The following SLC49A4 variants were observed in gnomAD, a reference collection of about 807,000 sequenced individuals.
SLC49A4 encodes disrupted in renal cancer protein 2.
Under a neutral mutation model 50.6 loss-of-function variants are expected in SLC49A4, and 36 were observed. The ratio of observed to expected loss-of-function variants is 0.71; its 90% confidence interval spans 0.55 to 0.94. The LOEUF is 0.94. SLC49A4 is among the 40% of genes least tolerant of loss of function. The probability of loss-of-function intolerance (pLI) is 0.00; values close to 1 mark genes in which losing one functional copy is unlikely to be tolerated. For synonymous variants in SLC49A4, 248 were observed against 241.2 expected (o/e 1.03, Z -0.26); for missense variants, 503 against 605.7 (o/e 0.83, Z 1.78).
At chr3:122,821,134 G>C (rs950046608) in intron 2 of SLC49A4, among the ~76,000 whole-genome samples, 1 of 152,146 alleles carries the variant, frequency 6.6e-6, no homozygotes, top group Non-Finnish European at 1.5e-5. Context: ...CTCCTCCTTC[G>C]CTTTCCACCA....
chr3:122,826,268 G>A (rs940476147), intron 2 of SLC49A4, among the ~76,000 whole-genome samples: 2 of 152,204 alleles, frequency 1.3e-5, no homozygotes, highest in African/African-American at 2.4e-5. Flanking sequence ...TTGGCAAAGA[G>A]TGGGTATGAA....
chr3:122,814,134 G>A (rs1363996931), intron 2 of SLC49A4, among the ~76,000 whole-genome samples: 2 of 152,114 alleles, frequency 1.3e-5, no homozygotes, highest in African/African-American at 4.8e-5. Flanking sequence ...ATCCAGGCAT[G>A]GTGCATTCCT....
intron 2 of SLC49A4, among the ~76,000 whole-genome samples, chr3:122,821,166 ATG>A (rs1250720020): frequency 6.6e-6 from 1 of 152,232 alleles, no homozygotes; most frequent in Non-Finnish European, 1.5e-5. Flanking sequence ...CCTTCCAGCC[ATG>A]TGGAACTGTG....
At chr3:122,811,237 TG>T (rs1252542740) in intron 2 of SLC49A4, among the ~76,000 whole-genome samples, 1 of 152,124 alleles carries the variant, frequency 6.6e-6, no homozygotes, top group Non-Finnish European at 1.5e-5. Flanking sequence ...AAATAGGTAA[TG>T]GATATGAGCA....
At chr3:122,819,410 T>A (rs1007009827) in intron 2 of SLC49A4, among the ~76,000 whole-genome samples, 13 of 152,218 alleles carry the variant, frequency 8.5e-5, no homozygotes, top group African/African-American at 1.4e-4. Context: ...TGTATTTTTT[T>A]ATGTATTTTC....
At chr3:122,852,723 T>C (rs987998244) in intron 5 of SLC49A4, among the ~76,000 whole-genome samples, 1 of 152,136 alleles carries the variant, frequency 6.6e-6, no homozygotes, top group African/African-American at 2.4e-5. Flanking sequence ...ACCCGGGGTT[T>C]TTACAAAGGC....
chr3:122,850,704 CTA>C (rs1936915465), intron 5 of SLC49A4, among the ~76,000 whole-genome samples: 3 of 152,228 alleles, frequency 2.0e-5, no homozygotes, highest in Admixed American at 6.5e-5. Context: ...GATGAAGTCT[CTA>C]TGTTTCCCAG....
chr3:122,812,113 A>G (rs1936307948), intron 2 of SLC49A4, among the ~76,000 whole-genome samples: 1 of 151,992 alleles, frequency 6.6e-6, no homozygotes, highest in African/African-American at 2.4e-5. Flanking sequence ...GTGCCATCAC[A>G]CCTGGCTAGT....
intron 7 of SLC49A4, among the ~76,000 whole-genome samples, chr3:122,869,549 C>T (rs919105433): frequency 1.3e-5 from 2 of 151,832 alleles, no homozygotes; most frequent in Non-Finnish European, 2.9e-5. Context: ...CTTTGTATAC[C>T]TATACCTGCA....
At chr3:122,805,369 G>A (rs1576290444) in intron 1 of SLC49A4, among the ~76,000 whole-genome samples, 2 of 152,166 alleles carry the variant, frequency 1.3e-5, no homozygotes, top group African/African-American at 4.8e-5. Context: ...AATGTAGCAT[G>A]TCTGGATCTC....
rs1280434904 is a variant in SLC49A4, at chr3:122,879,994, T to C, written c.*616T>C. 1 of 152,696 alleles carries C rather than the reference T, an allele frequency of 6.5e-6. No homozygotes were observed. Among genetic ancestry groups the C allele is most frequent in the Non-Finnish European group, 1.5e-5 (1 of 68,050 alleles). The allele number at this position is 152,696 out of a possible 1,614,324, so 9.5% of individuals were successfully genotyped here. The stretch of plus-strand genomic sequence containing the variant: ...GGTGCTTTCCAGTGACTTCTGAGCA[T>C]AGGCACTGTGTCTCCATCTCAACTT... On this transcript the variant is annotated 3_prime_UTR_variant, in exon 9 of 9. Transcript: ENST00000261038.
intron 1 of SLC49A4, among the ~76,000 whole-genome samples, chr3:122,804,097 A>C (rs1444294953): frequency 6.6e-6 from 1 of 152,194 alleles, no homozygotes; most frequent in Non-Finnish European, 1.5e-5. Flanking sequence ...TGCGGGTTTT[A>C]CAGGAAACAT....
rs542286263 is a variant in SLC49A4 at position 122,841,925 on chromosome 3, C to T, written c.834-3838C>T. ...CTTCTCTATAGCACGTCGTACATTG[C>T]CTTTCACATAATAGGTAAAAAAAAT... On this transcript the variant is annotated intron_variant, in intron 4 of 8. Coordinates refer to ENST00000261038, the MANE Select transcript of SLC49A4 (RefSeq NM_032839.3). Among the ~76,000 whole-genome samples the T allele has an allele frequency of 2.9e-5, 4 of 139,090 alleles. No homozygotes were observed. The South Asian group carries it at 1.0e-3, about 36-fold the overall frequency. 91.2% of individuals were successfully genotyped at this position (139,090 alleles called of 152,430 possible). A position where few individuals can be genotyped will look rare whatever the true frequency, so the allele number is the denominator to read the frequency against.
At chr3:122,848,029 C>T (rs1040914218) in intron 5 of SLC49A4, among the ~76,000 whole-genome samples, 18 of 152,172 alleles carry the variant, frequency 1.2e-4, no homozygotes, top group African/African-American at 4.3e-4. Context: ...GCGGGATAGC[C>T]ACATGAGACT....
chr3:122,862,851 C>CT (rs1456782154), intron 7 of SLC49A4, among the ~76,000 whole-genome samples: 3 of 151,790 alleles, frequency 2.0e-5, no homozygotes, highest in Non-Finnish European at 2.9e-5. Context: ...TTTTTAATCT[C>CT]TTTTTTTTGG....
At chr3:122,825,514 C>A (rs1432196507) in intron 2 of SLC49A4, among the ~76,000 whole-genome samples, 1 of 151,684 alleles carries the variant, frequency 6.6e-6, no homozygotes, top group African/African-American at 2.4e-5. Flanking sequence ...AGCCCTAATT[C>A]ACATATTTCA....
chr3:122,840,787 C>T (rs562643768), intron 4 of SLC49A4, among the ~76,000 whole-genome samples: 1 of 152,202 alleles, frequency 6.6e-6, no homozygotes, highest in East Asian at 1.9e-4. Context: ...AGCAATGTCT[C>T]TTGTATTGCA....
intron 8 of SLC49A4, 121 bp from the exon 9 acceptor site, chr3:122,879,142 C>A (rs1937302135): frequency 4.2e-6 from 3 of 706,496 alleles, no homozygotes; most frequent in East Asian, 5.1e-5. Flanking sequence ...AGTTTCTAGG[C>A]CTTCCAGGGT....
chr3:122,851,313 C>T (rs1936922230), intron 5 of SLC49A4, among the ~76,000 whole-genome samples: 1 of 151,900 alleles, frequency 6.6e-6, no homozygotes, highest in African/African-American at 2.4e-5. Context: ...GTTTATTGTA[C>T]AGGTCTGTGG....
Sources: allele counts gnomAD v4.1 joint callset (sites outside exome capture counted in the v4.1 genomes callset), GRCh38; gene constraint gnomAD v4.1.1; transcripts MANE v1.5; gene names NCBI Gene and HGNC (gene_info 2026-07-23, HGNC 2026-07-21).